The following TRAF3IP1 variants were observed in gnomAD, a reference collection of about 807,000 sequenced individuals.
The protein encoded by TRAF3IP1 is intraflagellar transport 54.
In TRAF3IP1, 53 loss-of-function variants were observed where a neutral mutation model predicts 89.9. The observed-to-expected ratio is 0.59, with a 90% CI of 0.47 to 0.74. TRAF3IP1 has a LOEUF of 0.74. Among genes scored for constraint, TRAF3IP1 ranks in the 30% least tolerant of loss-of-function variants. TRAF3IP1 has a pLI of 0.00. For synonymous variants in TRAF3IP1, 311 were observed against 322.1 expected, an observed-to-expected ratio of 0.97 and a Z score of 0.37; for missense variants, 806 against 866.1, an observed-to-expected ratio of 0.93 and a Z score of 0.87.
At chr2:238,372,693 T>G (rs1235448701) in intron 15 of TRAF3IP1, among the ~76,000 whole-genome samples, 1 of 152,248 alleles carries the variant, frequency 6.6e-6, no homozygotes, top group Non-Finnish European at 1.5e-5. Context: ...TCTACATCCT[T>G]GAGGAATAAC....
chr2:238,372,279 C>G (rs1411955742), intron 15 of TRAF3IP1, among the ~76,000 whole-genome samples: 1 of 152,110 alleles, frequency 6.6e-6, no homozygotes, highest in African/African-American at 2.4e-5. Flanking sequence ...ATCCCTCCCC[C>G]AGCCCTCTGC....
intron 10 of TRAF3IP1, 122 bp downstream of exon 10, chr2:238,347,597 A>G (rs1461285232): frequency 1.1e-6 from 1 of 951,880 alleles, no homozygotes. Context: ...TATTTTATGG[A>G]AAAAGATCAT....
At chr2:238,357,962 A>G (rs565625337) in intron 15 of TRAF3IP1, among the ~76,000 whole-genome samples, 3 of 152,186 alleles carry the variant, frequency 2.0e-5, no homozygotes, top group Non-Finnish European at 4.4e-5. Flanking sequence ...GCTGTTTTGA[A>G]AAAGAGTGGT....
rs911257422 is a variant in TRAF3IP1 at position 238,379,040 on chromosome 2, T to G, written c.1690-18419T>G. On this transcript the variant is annotated intron_variant, in intron 15 of 16. Transcript: ENST00000373327. This position sits in a 1 kb window ranked among gnomAD's most constrained non-coding sequence, Gnocchi z 4.0. ...CCCACCTCAGGCAGCCTGGCGCTGA[T>G]GCTGATGCAGCCGCCCTGTGTCAGG... is the stretch of plus-strand genomic sequence containing the variant. Among the ~76,000 whole-genome samples the G allele has an allele frequency of 6.6e-6, 1 of 152,220 alleles. No homozygotes were observed. The highest frequency in any genetic ancestry group is 2.4e-5 in the African/African-American group (1 of 41,470).
At chr2:238,348,204 CAA>C (rs998918832) in intron 10 of TRAF3IP1, among the ~76,000 whole-genome samples, 2 of 137,978 alleles carry the variant, frequency 1.4e-5, no homozygotes, top group Admixed American at 7.2e-5. Flanking sequence ...TTTAAAAATG[CAA>C]AAAAAAAAGA....
Position 238,340,914 on chromosome 2 carries a change from G to A in TRAF3IP1, c.1159+2457G>A, listed in dbSNP as rs574298100. On this transcript the variant is annotated intron_variant, in intron 8 of 16. Transcript: ENST00000373327. ...ACTCTGTTGCTCAGGCTCGGGTACA[G>A]TGGCATGATCTCAGCTCACTGCAAC... 3.0e-4 allele frequency among the ~76,000 whole-genome samples: 45 copies of A among 152,182 alleles called. No individual in the cohort carries two copies. In the East Asian group the frequency reaches 8.5e-3, roughly 29 times the overall value.
chr2:238,342,834 C>G (rs1270915341), intron 8 of TRAF3IP1, among the ~76,000 whole-genome samples: 1 of 152,004 alleles, frequency 6.6e-6, no homozygotes, highest in Non-Finnish European at 1.5e-5. Context: ...TATGTGTCAT[C>G]TATTTTATGT....
At chr2:238,362,951 G>A (rs1699725705) in intron 15 of TRAF3IP1, among the ~76,000 whole-genome samples, 1 of 152,180 alleles carries the variant, frequency 6.6e-6, no homozygotes, top group African/African-American at 2.4e-5. Flanking sequence ...CTTCCACAAT[G>A]TTTCTCTAGG....
At chr2:238,340,059 C>CGG in intron 8 of TRAF3IP1, among the ~76,000 whole-genome samples, 1 of 9,660 alleles carries the variant, frequency 1.0e-4, no homozygotes. Context: ...GGTGGCGGGG[C>CGG]GGGGGGGTTG....
rs1384594124 is a variant in TRAF3IP1 at position 238,351,485 on chromosome 2, T to A, written c.1452-1342T>A. 6.6e-6 allele frequency among the ~76,000 whole-genome samples: 1 copy of A among 152,036 alleles called. No individual in the cohort carries two copies. Among genetic ancestry groups the A allele is most frequent in the African/African-American group, 2.4e-5 (1 of 41,390 alleles). ...AGGAGCAGCAGCTGCAGCTGAGGGCTGTGGGGAAGCTGTGTCCTGGAGAGC... is the reference window on the plus strand; with the variant it reads ...AGGAGCAGCAGCTGCAGCTGAGGGCAGTGGGGAAGCTGTGTCCTGGAGAGC... On this transcript the variant is annotated intron_variant, in intron 12 of 16. Coordinates refer to ENST00000373327, the MANE Select transcript of TRAF3IP1 (RefSeq NM_015650.4). The surrounding 1 kb of genome is among the most constrained non-coding windows in gnomAD (Gnocchi z 5.2).
At position 238,400,012 on chromosome 2, in the gene TRAF3IP1, A is replaced by G. The variant is rs564485984; in HGVS notation, c.*1093A>G. 6.6e-6 allele frequency: 1 copy of G among 152,226 alleles called. No homozygotes were observed. The highest frequency in any genetic ancestry group is 1.9e-4 in the East Asian group (1 of 5,186). 9.4% of individuals were successfully genotyped at this position (152,226 alleles called of 1,614,324 possible). On this transcript the variant is annotated 3_prime_UTR_variant, in exon 17 of 17. Transcript: ENST00000373327. The stretch of plus-strand genomic sequence containing the variant: ...TTATGGGTCTTGAGGTCTGGGTCCT[A>G]ATACTTTTAAATAGTGTATTTATTA...
Position 238,337,380 on chromosome 2 carries a change from A to G in TRAF3IP1, c.1064-982A>G, listed in dbSNP as rs573664078. On this transcript the variant is annotated intron_variant, in intron 7 of 16. Transcript: ENST00000373327. Reference sequence around the variant, plus strand: ...GGAGAGAGGAACAGTGATAGGGGAAAGGGCCGGGCCAGGAAGCAGGGCCTG... The same window carrying G: ...GGAGAGAGGAACAGTGATAGGGGAAGGGGCCGGGCCAGGAAGCAGGGCCTG... Among the ~76,000 whole-genome samples the G allele has an allele frequency of 9.2e-5, 14 of 152,232 alleles. No homozygotes were observed. In the East Asian group the frequency reaches 2.7e-3, roughly 29 times the overall value.
rs1350188965 is a variant in TRAF3IP1 at position 238,325,168 on chromosome 2, C to T, written c.124-138C>T. On this transcript the variant is annotated intron_variant, in intron 1 of 16. Transcript: ENST00000373327. Reference sequence around the variant, plus strand: ...CCTGCACAGCACGTGTAGTAGACATCAAATATTTCTTAAGTGGATGATTCA... The same window carrying T: ...CCTGCACAGCACGTGTAGTAGACATTAAATATTTCTTAAGTGGATGATTCA... The T allele has an allele frequency of 8.3e-6, 7 of 841,492 alleles. No individual in the cohort carries two copies. In the East Asian group the frequency reaches 1.5e-4, roughly 18 times the overall value. The allele number at this position is 841,492 out of a possible 1,614,324, so 52.1% of individuals were successfully genotyped here.
chr2:238,383,774 T>A (rs1345427220), intron 15 of TRAF3IP1, among the ~76,000 whole-genome samples: 2 of 152,240 alleles, frequency 1.3e-5, no homozygotes, highest in East Asian at 3.8e-4. Context: ...TTACTTTTCA[T>A]GTTGCAAATT....
intron 7 of TRAF3IP1, among the ~76,000 whole-genome samples, chr2:238,337,382 G>A (rs1698434512): frequency 6.6e-6 from 1 of 152,168 alleles, no homozygotes; most frequent in Non-Finnish European, 1.5e-5. Flanking sequence ...TAGGGGAAAG[G>A]GCCGGGCCAG....
rs1701294614 is a variant in TRAF3IP1, at chr2:238,397,672, G to A, written c.1903G>A (p.Glu635Lys). ...GCAGCACGCCGAGGCCCTGCAGCAG[G>A]AGCAGAGGTGGGGGGTAGTAATGGG... is the stretch of plus-strand genomic sequence containing the variant. ...NRQHAEALQQ[E>K]QRITDCAVEP... is the part of the protein sequence containing the mutation. The change falls in exon 16 of 17, where the codon GAG (glutamate) becomes AAG (lysine). Residue 635 changes from glutamate (E) to lysine (K), a missense_variant. This residue lies in a region of TRAF3IP1 where 70 missense variants were observed against 67.8 expected (regional missense o/e 1.03). Transcript: ENST00000373327. The A allele has an allele frequency of 6.2e-7, 1 of 1,609,594 alleles. No individual in the cohort carries two copies.
At position 238,366,026 on chromosome 2, in the gene TRAF3IP1, A is replaced by G. The variant is rs1346485482; in HGVS notation, c.1689+9946A>G. On this transcript the variant is annotated intron_variant, in intron 15 of 16. Transcript: ENST00000373327. ...TTTGGGAGGCCGAGGCGGGCAGATCACAAGGTCAGGAGATCGAGACCATCC... is the reference window on the plus strand; with the variant it reads ...TTTGGGAGGCCGAGGCGGGCAGATCGCAAGGTCAGGAGATCGAGACCATCC... 2.0e-5 allele frequency among the ~76,000 whole-genome samples: 3 copies of G among 152,186 alleles called. No individual in the cohort carries two copies. The East Asian group carries it at 5.8e-4, about 29-fold the overall frequency.
At chr2:238,361,872 C>G (rs1699675933) in intron 15 of TRAF3IP1, among the ~76,000 whole-genome samples, 1 of 152,176 alleles carries the variant, frequency 6.6e-6, no homozygotes, top group African/African-American at 2.4e-5. Context: ...CATTGCCTTG[C>G]CTGTCTTTGG....
intron 3 of TRAF3IP1, among the ~76,000 whole-genome samples, chr2:238,326,322 T>C (rs566061335): frequency 4.6e-5 from 7 of 152,180 alleles, no homozygotes; most frequent in Non-Finnish European, 7.3e-5. Context: ...TGAGGACAGG[T>C]GGCTGCTTCC....
Sources: gnomAD v4.1 joint callset for allele counts (sites outside exome capture counted in the v4.1 genomes callset) on GRCh38, gnomAD v4.1.1 for gene constraint, gnomAD v4.1.1 regional missense constraint, Gnocchi (gnomAD v3.1) non-coding constraint, MANE v1.5 for transcripts, NCBI Gene and HGNC (gene_info 2026-07-23, HGNC 2026-07-21) for gene names.